TRIM67: variants seen among roughly 807,000 people sequenced by gnomAD.
TRIM67 encodes tripartite motif containing 67, also known as tripartite motif-containing protein 67.
In TRIM67, 39 loss-of-function variants were observed where a neutral mutation model predicts 71.0. The ratio of observed to expected loss-of-function variants is 0.55; its 90% CI spans 0.43 to 0.72. TRIM67 has a LOEUF of 0.72. TRIM67 is among the 30% of genes least tolerant of loss of function. The pLI is 0.00. For missense variants in TRIM67, 973 were observed against 1,079.2 expected, an observed-to-expected ratio of 0.90 and a Z score of 1.38; for synonymous variants, 481 against 473.9, an observed-to-expected ratio of 1.01 and a Z score of -0.19.
Position 231,163,724 on chromosome 1 carries a change from A to AGCCGCCGCC in TRIM67, c.771_779dup (p.Pro258_Pro260dup). On this transcript the variant is annotated inframe_insertion, in exon 1 of 10. Coordinates refer to ENST00000366653, the MANE Select transcript of TRIM67 (RefSeq NM_001004342.5). ...CCCTTCGCCAAGCATCGCCTGGTGC[A>AGCCGCCGCC]GCCGCCGCCGCCGCCGCCGCCGCCC... 7.4e-6 allele frequency: 11 copies of AGCCGCCGCC among 1,492,510 alleles called. No homozygotes were observed. Among genetic ancestry groups the AGCCGCCGCC allele is most frequent in the Middle Eastern group, 1.9e-4 (1 of 5,168 alleles). 92.5% of individuals were successfully genotyped at this position (1,492,510 alleles called of 1,614,324 possible).
At chr1:231,204,926 G>A (rs1265512127) in intron 6 of TRIM67, among the ~76,000 whole-genome samples, 7 of 152,170 alleles carry the variant, frequency 4.6e-5, no homozygotes, top group Admixed American at 2.0e-4. Context: ...GCACTTCCGT[G>A]GGAATTACTG....
chr1:231,166,082 C>A (rs1450415772), intron 1 of TRIM67, among the ~76,000 whole-genome samples: 2 of 152,218 alleles, frequency 1.3e-5, no homozygotes, highest in Non-Finnish European at 2.9e-5. Context: ...AAATTTCTAT[C>A]CTCAGCCAAC....
rs1290690309 is a variant in TRIM67 at position 231,197,612 on chromosome 1, GA to G, written c.1140+147del. ...AGGCCGAGGCGGGCAGATCACCTGAGATTGGGAGTTTGAGACCAGCCTTACC... is the reference window on the plus strand; with the variant it reads ...AGGCCGAGGCGGGCAGATCACCTGAGTTGGGAGTTTGAGACCAGCCTTACC... On this transcript the variant is annotated intron_variant, in intron 2 of 9. Coordinates refer to ENST00000366653, the MANE Select transcript of TRIM67 (RefSeq NM_001004342.5). 1.1e-5 allele frequency: 7 copies of G among 637,644 alleles called. No homozygotes were observed. The East Asian group carries it at 1.8e-4, about 16-fold the overall frequency. The allele number at this position is 637,644 out of a possible 1,614,324, so 39.5% of individuals were successfully genotyped here.
Position 231,208,931 on chromosome 1 carries a change from C to A in TRIM67, c.1820-16C>A. 1 of 1,560,194 alleles carries A rather than the reference C, an allele frequency of 6.4e-7. No individual in the cohort carries two copies. Among genetic ancestry groups the A allele is most frequent in the Non-Finnish European group, 8.7e-7 (1 of 1,146,382 alleles). On this transcript the variant is annotated splice_polypyrimidine_tract_variant and intron_variant, in intron 7 of 9. Transcript: ENST00000366653. ...CCATCCCCTGACCCTGCTCCTCTCA[C>A]CTCCTCCCTTTTTAGTGGCCTGGTT...
rs1412069146 is a variant in TRIM67 at position 231,204,007 on chromosome 1, T to C, written c.1675T>C (p.Phe559Leu). The change falls in exon 6 of 10, where the codon TTC (phenylalanine) becomes CTC (leucine). Residue 559 changes from phenylalanine to leucine, a missense_variant. Phe to Leu is a conservative substitution (Grantham distance 22). Coordinates refer to ENST00000366653, the MANE Select transcript of TRIM67 (RefSeq NM_001004342.5). The stretch of plus-strand genomic sequence containing the variant: ...GCTGGACGACGGTGCCGGGGGACAG[T>C]TCCGGGTGAGGCCTTGCTGCTTATT... Reference protein sequence around the residue: ...LELDDGAGGQFREVYVGKETL... With the variant: ...LELDDGAGGQLREVYVGKETL... 2 of 1,613,980 alleles carry C rather than the reference T, an allele frequency of 1.2e-6. No individual in the cohort carries two copies. Among genetic ancestry groups the C allele is most frequent in the South Asian group, 1.1e-5 (1 of 91,086 alleles).
intron 1 of TRIM67, chr1:231,186,277 T>C: frequency 1.0e-6 from 1 of 985,572 alleles, no homozygotes; most frequent in Non-Finnish European, 1.5e-6. Flanking sequence ...GAGGAGCACA[T>C]CTCTAGTTGG....
At chr1:231,181,972 G>T (rs1318996139) in intron 1 of TRIM67, among the ~76,000 whole-genome samples, 5 of 152,182 alleles carry the variant, frequency 3.3e-5, no homozygotes, top group Non-Finnish European at 4.4e-5. Context: ...GGGATATTTA[G>T]CATACTTCCG....
At chr1:231,192,620 A>G (rs947162663) in intron 1 of TRIM67, among the ~76,000 whole-genome samples, 10 of 152,218 alleles carry the variant, frequency 6.6e-5, no homozygotes, top group African/African-American at 2.4e-4. Flanking sequence ...CACACAAAGG[A>G]CTGGGTTGAA....
intron 5 of TRIM67, among the ~76,000 whole-genome samples, chr1:231,202,894 A>G (rs1683590322): frequency 6.6e-6 from 1 of 152,100 alleles, no homozygotes; most frequent in Non-Finnish European, 1.5e-5. Flanking sequence ...GCCACTCCAG[A>G]TGCTGCTCCT....
chr1:231,199,779 A>G (rs1683469909), intron 3 of TRIM67, among the ~76,000 whole-genome samples: 1 of 152,238 alleles, frequency 6.6e-6, no homozygotes, highest in South Asian at 2.1e-4. Flanking sequence ...CCCATGGTTC[A>G]TAAGTGAGGG....
chr1:231,178,502 G>A (rs114203115), intron 1 of TRIM67, among the ~76,000 whole-genome samples: 203 of 152,348 alleles, frequency 1.3e-3, no homozygotes, highest in African/African-American at 4.8e-3. Context: ...GCTGTGAAAG[G>A]AGGGAATTGC....
chr1:231,198,516 A>G (rs1683430895), intron 2 of TRIM67, among the ~76,000 whole-genome samples: 1 of 152,100 alleles, frequency 6.6e-6, no homozygotes, highest in Non-Finnish European at 1.5e-5. Flanking sequence ...CCCCCTGAGT[A>G]GCTGGGATTA....
chr1:231,170,072 C>T (rs535401475), intron 1 of TRIM67, among the ~76,000 whole-genome samples: 9 of 148,348 alleles, frequency 6.1e-5, no homozygotes, highest in South Asian at 2.1e-4. Context: ...CTGCAACCTC[C>T]GCCTCCTGGG....
rs767697023 is a variant in TRIM67 at position 231,201,426 on chromosome 1, G to A, written c.1443G>A (p.Pro481=). 11 of 1,613,408 alleles carry A rather than the reference G, an allele frequency of 6.8e-6. No individual in the cohort carries two copies. In the East Asian group the frequency reaches 8.9e-5, roughly 13 times the overall value. Residue 481 remains proline (P), a synonymous_variant, in exon 5 of 10, where the codon CCG becomes CCA. Transcript: ENST00000366653. ...AGTGGGTCAAAGGCGCCCTGGAGCCGAAAGTGTCTGCGGAGTTTGATCTGA... is the reference window on the plus strand; with the variant it reads ...AGTGGGTCAAAGGCGCCCTGGAGCCAAAAGTGTCTGCGGAGTTTGATCTGA... The part of the protein sequence containing the change: ...QEQWVKGALE[P]KVSAEFDLTL...
intron 2 of TRIM67, among the ~76,000 whole-genome samples, chr1:231,198,421 C>G (rs868568739): frequency 1.3e-5 from 2 of 152,118 alleles, no homozygotes; most frequent in South Asian, 4.1e-4. Context: ...GAGTCTCACT[C>G]TGTCGCCCAG....
intron 6 of TRIM67, among the ~76,000 whole-genome samples, chr1:231,206,340 C>T (rs1313889759): frequency 4.0e-5 from 6 of 151,876 alleles, no homozygotes; most frequent in Admixed American, 3.9e-4. Flanking sequence ...ACTTGGGAGG[C>T]TGACGCAGGA....
intron 2 of TRIM67, among the ~76,000 whole-genome samples, chr1:231,197,831 AAAGAAGAAGAAG>A (rs546170131): frequency 6.7e-6 from 1 of 150,226 alleles, no homozygotes; most frequent in African/African-American, 2.5e-5. Flanking sequence ...GTCTCAAAGA[AAAGAAGAAGAAG>A]AAGAAGAAGG....
intron 1 of TRIM67, among the ~76,000 whole-genome samples, chr1:231,189,092 T>TAG (rs1683164056): frequency 6.6e-6 from 1 of 152,202 alleles, no homozygotes. Flanking sequence ...GCACCATTTA[T>TAG]AGTGGGTCCT....
chr1:231,190,865 T>TC (rs1571886228), intron 1 of TRIM67, among the ~76,000 whole-genome samples: 1 of 152,184 alleles, frequency 6.6e-6, no homozygotes, highest in East Asian at 1.9e-4. Flanking sequence ...TCCTATTCTT[T>TC]CCCCACTTCC....
Sources: allele counts gnomAD v4.1 joint callset (sites outside exome capture counted in the v4.1 genomes callset), GRCh38; gene constraint gnomAD v4.1.1; transcripts MANE v1.5; gene names NCBI Gene and HGNC (gene_info 2026-07-23, HGNC 2026-07-21).